Variants in KPNB1 observed in about 807,000 individuals in gnomAD.
KPNB1 encodes the protein importin subunit beta-1.
KPNB1 carries 7 observed loss-of-function variants against 113.0 expected under a neutral mutation model. The ratio of observed to expected loss-of-function variants is 0.06; its 90% confidence interval spans 0.04 to 0.12. KPNB1 has a LOEUF of 0.12. Ranked by LOEUF, KPNB1 falls within the 10% of genes least tolerant of loss-of-function variation. The probability of loss-of-function intolerance (pLI) is 1.00; values close to 1 mark genes in which losing one functional copy is unlikely to be tolerated. For synonymous variants in KPNB1, 363 were observed against 378.6 expected (o/e 0.96, Z 0.48); for missense variants, 400 against 1,054.8 (o/e 0.38, Z 8.60).
At position 47,657,017 on chromosome 17, in the gene KPNB1, A is replaced by T; in HGVS notation, c.440A>T (p.Lys147Met). 6.2e-7 allele frequency: 1 copy of T among 1,614,220 alleles called. No individual in the cohort carries two copies. The highest frequency in any genetic ancestry group is 8.5e-7 in the Non-Finnish European group (1 of 1,180,030). The change falls in exon 4 of 22, where the codon AAG becomes ATG. Residue 147 changes from lysine (K) to methionine (M), a missense_variant. Physicochemically the swap from Lys to Met is moderately conservative, Grantham distance 95 (BLOSUM62 -1). Around this residue, in one of 2 missense-constraint regions of KPNB1, gnomAD observed 285 missense variants for 627.0 expected, o/e 0.45. Transcript: ENST00000290158. ...AACCCCAACAGCACAGAGCACATGA[A>T]GGAGTCGACATTGGAAGCCATCGGT... is the stretch of plus-strand genomic sequence containing the variant. The part of the protein sequence containing the change: ...VTNPNSTEHM[K>M]ESTLEAIGYI...
At chr17:47,656,326 T>C (rs1263071182) in intron 3 of KPNB1, among the ~76,000 whole-genome samples, 2 of 151,964 alleles carry the variant, frequency 1.3e-5, no homozygotes, top group Admixed American at 6.6e-5. Flanking sequence ...CCTAGCACTT[T>C]GGGAGGCCAG....
intron 9 of KPNB1, among the ~76,000 whole-genome samples, chr17:47,666,899 G>A (rs905851169): frequency 1.3e-5 from 2 of 152,084 alleles, no homozygotes; most frequent in Admixed American, 6.6e-5. Context: ...TTACAGGCAT[G>A]AGCCACTGCA....
intron 12 of KPNB1, 143 bp from the exon 13 acceptor site, chr17:47,672,875 A>G: frequency 1.6e-6 from 1 of 641,048 alleles, no homozygotes; most frequent in East Asian, 3.0e-5. Flanking sequence ...TGAAGATTTC[A>G]TTCTTGGATA....
At chr17:47,652,262 A>C (rs1036825147) in intron 2 of KPNB1, among the ~76,000 whole-genome samples, 6 of 152,228 alleles carry the variant, frequency 3.9e-5, no homozygotes, top group African/African-American at 1.4e-4. Flanking sequence ...AAACAGTTTT[A>C]TTTTCTACCC....
chr17:47,668,143 T>G (rs1226235659), intron 9 of KPNB1, 43 bp from the exon 10 acceptor site: 1 of 1,534,762 alleles, frequency 6.5e-7, no homozygotes, highest in African/African-American at 1.4e-5. Context: ...GTTAAAATGA[T>G]TCTTTGGACA....
intron 6 of KPNB1, 51 bp downstream of exon 6, chr17:47,661,229 G>A (rs2030084268): frequency 1.5e-6 from 2 of 1,338,158 alleles, no homozygotes; most frequent in Non-Finnish European, 2.2e-6. Flanking sequence ...CTTAGGAAAT[G>A]TCAAATCTAA....
At position 47,682,312 on chromosome 17, in the gene KPNB1, C is replaced by T. The variant is rs111976974; in HGVS notation, c.*-92C>T. The T allele has an allele frequency of 1.3e-3, 1,034 of 771,680 alleles. 2 individuals carry two copies. The highest frequency in any genetic ancestry group is 2.1e-3 in the Non-Finnish European group (880 of 413,676). The allele number at this position is 771,680 out of a possible 1,614,324, so 47.8% of individuals were successfully genotyped here. On this transcript the variant is annotated intron_variant, in intron 21 of 21. Coordinates refer to ENST00000290158, the MANE Select transcript of KPNB1 (RefSeq NM_002265.6). Reference sequence around the variant, plus strand: ...GAAATGTTGACAAATTCCATTCAGGCCTAGGAGCATGTAATTGTAGGAGTC... The same window carrying T: ...GAAATGTTGACAAATTCCATTCAGGTCTAGGAGCATGTAATTGTAGGAGTC...
intron 9 of KPNB1, among the ~76,000 whole-genome samples, chr17:47,666,531 G>GTTATATA (rs200319617): frequency 1.9e-3 from 199 of 103,838 alleles, no homozygotes; most frequent in African/African-American, 5.6e-3. Flanking sequence ...TATGTATTAT[G>GTTATATA]TTATATATTA....
chr17:47,656,443 G>A (rs2029909483), intron 3 of KPNB1, among the ~76,000 whole-genome samples: 1 of 152,156 alleles, frequency 6.6e-6, no homozygotes, highest in African/African-American at 2.4e-5. Flanking sequence ...AGCTACTCAG[G>A]GAGGCCTGGG....
intron 4 of KPNB1, 72 bp downstream of exon 4, chr17:47,657,132 T>C (rs2040054647): frequency 8.2e-7 from 1 of 1,223,582 alleles, no homozygotes; most frequent in Non-Finnish European, 1.2e-6. Context: ...ATGATATTAG[T>C]ACTACCTTAT....
rs1597945765 is a variant in KPNB1 at position 47,685,425 on chromosome 17, C to A, written c.*3021C>A. 2 of 152,130 alleles carry A rather than the reference C, an allele frequency of 1.3e-5. No individual in the cohort carries two copies. Among genetic ancestry groups the A allele is most frequent in the South Asian group, 4.1e-4 (2 of 4,822 alleles). 9.4% of individuals were successfully genotyped at this position (152,130 alleles called of 1,614,324 possible). ...GATGGCATTTAAGACCTGTAAAACA[C>A]TTGAGCCCAACTCGATTAACCAAAA... On this transcript the variant is annotated 3_prime_UTR_variant, in exon 22 of 22. Coordinates refer to ENST00000290158, the MANE Select transcript of KPNB1 (RefSeq NM_002265.6).
At position 47,650,407 on chromosome 17, in the gene KPNB1, C is replaced by G; in HGVS notation, c.62C>G (p.Ala21Gly). Reference protein sequence around the residue: ...VSPDRLELEAAQKFLERAAVE... With the variant: ...VSPDRLELEAGQKFLERAAVE... ...CTAGATCGGCTGGAGCTGGAAGCGG[C>G]GCAGAAGTTCCTGGAGCGTGCGGCC... Residue 21 changes from alanine (A) to glycine (G), a missense_variant, in exon 2 of 22, where the codon GCG (alanine) becomes GGG (glycine). Physicochemically the swap from Ala to Gly is moderately conservative, Grantham distance 60. This residue lies in a region of KPNB1 where 285 missense variants were observed against 627.0 expected (regional missense o/e 0.45). Coordinates refer to ENST00000290158, the MANE Select transcript of KPNB1 (RefSeq NM_002265.6). The G allele has an allele frequency of 6.2e-7, 1 of 1,610,032 alleles. No individual in the cohort carries two copies. Among genetic ancestry groups the G allele is most frequent in the Non-Finnish European group, 8.5e-7 (1 of 1,179,078 alleles).
intron 19 of KPNB1, 35 bp from the exon 20 acceptor site, chr17:47,679,985 C>A (rs759306124): frequency 6.9e-7 from 1 of 1,456,144 alleles, no homozygotes; most frequent in Non-Finnish European, 9.6e-7. Context: ...GCATGAGCCA[C>A]CGCACCCGAC....
chr17:47,682,809 G>C lies in KPNB1; in HGVS notation c.*405G>C. 4.5e-6 allele frequency: 1 copy of C among 220,660 alleles called. No homozygotes were observed. The highest frequency in any genetic ancestry group is 5.2e-5 in the Admixed American group (1 of 19,190). 13.7% of individuals were successfully genotyped at this position (220,660 alleles called of 1,614,324 possible). On this transcript the variant is annotated 3_prime_UTR_variant, in exon 22 of 22. Transcript: ENST00000290158. The stretch of plus-strand genomic sequence containing the variant: ...GGACTGGGTTCAGCTGTGGTGCTTT[G>C]TTGTAAAAGGCAGCCTGGCCTTTGC...
intron 19 of KPNB1, among the ~76,000 whole-genome samples, chr17:47,679,398 C>T (rs1044295061): frequency 1.3e-5 from 2 of 152,096 alleles, no homozygotes; most frequent in African/African-American, 4.8e-5. Context: ...TCATAATTCC[C>T]GTTACGTGTT....
intron 5 of KPNB1, among the ~76,000 whole-genome samples, chr17:47,660,788 T>G (rs1030515152): frequency 6.6e-6 from 1 of 152,254 alleles, no homozygotes; most frequent in Non-Finnish European, 1.5e-5. Context: ...TTTTCCTACA[T>G]GTAAATTTTT....
At chr17:47,661,009 T>G in intron 5 of KPNB1, 110 bp from the exon 6 acceptor site, 1 of 778,696 alleles carries the variant, frequency 1.3e-6, no homozygotes, top group Non-Finnish European at 2.3e-6. Context: ...GGCAGGGCTG[T>G]GTGGGGCCCT....
chr17:47,671,431 T>C (rs2030443229), intron 12 of KPNB1, among the ~76,000 whole-genome samples: 1 of 152,200 alleles, frequency 6.6e-6, no homozygotes, highest in East Asian at 1.9e-4. Context: ...TTTTGCAGCA[T>C]TGACAGTTAA....
In KPNB1 at chr17:47,665,167, C is replaced by T. The variant is rs368985900; in HGVS notation, c.999+9C>T. 3 of 1,599,002 alleles carry T rather than the reference C, an allele frequency of 1.9e-6. No individual in the cohort carries two copies. Among genetic ancestry groups the T allele is most frequent in the East Asian group, 2.2e-5 (1 of 44,828 alleles). On this transcript the variant is annotated intron_variant, in intron 9 of 21. Coordinates refer to ENST00000290158, the MANE Select transcript of KPNB1 (RefSeq NM_002265.6). ...AGACACTAACTAAACAGGTGAGTTA[C>T]CTTCCAAATATAGGTAGGTAAGCTG...
Sources: gnomAD v4.1 joint callset for allele counts (sites outside exome capture counted in the v4.1 genomes callset) on GRCh38, gnomAD v4.1.1 for gene constraint, gnomAD v4.1.1 regional missense constraint, MANE v1.5 for transcripts, NCBI Gene and HGNC (gene_info 2026-07-23, HGNC 2026-07-21) for gene names.